SMARCA4: variants seen among roughly 807,000 people sequenced by gnomAD.
The protein encoded by SMARCA4 is SWI/SNF related BAF chromatin remodeling complex subunit ATPase 4.
A neutral mutation model predicts 193.9 loss-of-function variants in SMARCA4; 31 were observed. The ratio of observed to expected loss-of-function variants is 0.16; its 90% CI spans 0.12 to 0.22. SMARCA4 has a LOEUF of 0.22. Ranked by LOEUF, SMARCA4 falls within the 10% of genes least tolerant of loss-of-function variation. The pLI, the probability that SMARCA4 is intolerant of heterozygous loss-of-function variation, is 1.00. For synonymous variants in SMARCA4, 942 were observed against 933.1 expected, an observed-to-expected ratio of 1.01 and a Z score of -0.17; for missense variants, 1,148 against 2,296.0, an observed-to-expected ratio of 0.50 and a Z score of 10.22.
intron 13 of SMARCA4, among the ~76,000 whole-genome samples, chr19:11,005,241 T>C (rs1005311482): frequency 6.6e-6 from 1 of 152,206 alleles, no homozygotes; most frequent in African/African-American, 2.4e-5. Context: ...GTCTAGTCTG[T>C]TTAGTAATTT....
At chr19:11,035,570 C>G (rs528436619) in intron 29 of SMARCA4, among the ~76,000 whole-genome samples, 3 of 152,344 alleles carry the variant, frequency 2.0e-5, no homozygotes, top group East Asian at 3.9e-4. Flanking sequence ...AAGTCCCCCC[C>G]CATGAGCTGG....
At position 10,968,033 on chromosome 19, in the gene SMARCA4, T is replaced by C. The variant is rs111582515; in HGVS notation, c.-32+6859T>C. Among the ~76,000 whole-genome samples, 276 of 151,546 alleles carry C rather than the reference T, an allele frequency of 1.8e-3. 2 individuals carry two copies. The highest frequency in any genetic ancestry group is 6.8e-3 in the Middle Eastern group (2 of 294). The stretch of plus-strand genomic sequence containing the variant: ...CTGAGACTACAGGCGCCCACCACCA[T>C]GCCCTGCGGGGGTTTCACCATGTTA... On this transcript the variant is annotated intron_variant, in intron 1 of 34. Coordinates refer to ENST00000344626, the MANE Select transcript of SMARCA4 (RefSeq NM_003072.5).
At chr19:11,053,868 A>C (rs897461828) in intron 30 of SMARCA4, among the ~76,000 whole-genome samples, 1 of 152,170 alleles carries the variant, frequency 6.6e-6, no homozygotes, top group African/African-American at 2.4e-5. Context: ...CTAGGATGGC[A>C]CCACTGCACT....
intron 7 of SMARCA4, among the ~76,000 whole-genome samples, chr19:10,989,675 G>T (rs1254451077): frequency 6.6e-6 from 1 of 150,856 alleles, no homozygotes; most frequent in Non-Finnish European, 1.5e-5. Context: ...AAGCAGACTT[G>T]TATGGGCTTC....
At chr19:11,061,210 TA>T (rs2076872031) in intron 34 of SMARCA4, among the ~76,000 whole-genome samples, 1 of 86,316 alleles carries the variant, frequency 1.2e-5, no homozygotes, top group South Asian at 3.7e-4. Flanking sequence ...AAAAAATATA[TA>T]TATATATATA....
In SMARCA4 at chr19:11,058,996, T is replaced by C. The variant is rs1600637311; in HGVS notation, c.4635+107T>C. On this transcript the variant is annotated intron_variant, in intron 32 of 34. Transcript: ENST00000344626. This position sits in a 1 kb window ranked among gnomAD's most constrained non-coding sequence, Gnocchi z 5.8. ...TTGATGGGTTAAAAACAAGTCCCGC[T>C]AGCTGTGGTGGTTCGTGCCTGTAAT... is the stretch of plus-strand genomic sequence containing the variant. The C allele has an allele frequency of 9.1e-6, 8 of 881,222 alleles. No individual in the cohort carries two copies. The East Asian group carries it at 1.3e-4, about 15-fold the overall frequency. The allele number at this position is 881,222 out of a possible 1,614,324, so 54.6% of individuals were successfully genotyped here. A position where few individuals can be genotyped will look rare whatever the true frequency, so the allele number is the denominator to read the frequency against.
In SMARCA4 at chr19:11,050,283, C is replaced by T. The variant is rs549959139; in HGVS notation, c.4425-7972C>T. ...AAGCCTCACAAGAGCTCTGGCCCCA[C>T]CAGGCGGGCCCTCTGGGTTCCATTC... On this transcript the variant is annotated intron_variant, in intron 30 of 34. Coordinates refer to ENST00000344626, the MANE Select transcript of SMARCA4 (RefSeq NM_003072.5). 3.3e-5 allele frequency among the ~76,000 whole-genome samples: 5 copies of T among 152,364 alleles called. No homozygotes were observed. In the East Asian group the frequency reaches 9.7e-4, roughly 29 times the overall value.
intron 21 of SMARCA4, 83 bp downstream of exon 21, chr19:11,024,521 A>C (rs2090112048): frequency 1.2e-6 from 1 of 857,948 alleles, no homozygotes; most frequent in Non-Finnish European, 2.0e-6. Context: ...GCGTGCTCTG[A>C]CCATCGGGTC....
chr19:11,005,548 C>T (rs76479964), intron 13 of SMARCA4, among the ~76,000 whole-genome samples: 114 of 152,312 alleles, frequency 7.5e-4, no homozygotes, highest in African/African-American at 2.5e-3. Context: ...AGTCCTTTGG[C>T]GTCTCTTTGC....
At chr19:10,983,910 C>T (rs2085780214) in intron 1 of SMARCA4, among the ~76,000 whole-genome samples, 1 of 152,078 alleles carries the variant, frequency 6.6e-6, no homozygotes, top group South Asian at 2.1e-4. Flanking sequence ...GTGGCCCACC[C>T]CTTCCTGGGT....
At chr19:11,054,828 T>A (rs2076451529) in intron 30 of SMARCA4, among the ~76,000 whole-genome samples, 1 of 152,060 alleles carries the variant, frequency 6.6e-6, no homozygotes, top group Non-Finnish European at 1.5e-5. Flanking sequence ...GAGGAGGTGA[T>A]GTTTGCCCTG....
At chr19:10,990,959 G>A (rs2086504077) in intron 7 of SMARCA4, among the ~76,000 whole-genome samples, 191 bp from the exon 8 acceptor site, 1 of 152,250 alleles carries the variant, frequency 6.6e-6, no homozygotes, top group African/African-American at 2.4e-5. Flanking sequence ...GTCCAGAAGT[G>A]ATCACCTTCT....
intron 21 of SMARCA4, 105 bp from the exon 22 acceptor site, chr19:11,025,317 C>T (rs2090173368): frequency 2.6e-6 from 2 of 771,902 alleles, no homozygotes; most frequent in Admixed American, 3.7e-5. Context: ...CTCTTCCCCA[C>T]TAGAGCGTCC....
intron 11 of SMARCA4, 144 bp downstream of exon 11, chr19:10,996,688 A>G (rs1240772830): frequency 1.5e-5 from 12 of 787,500 alleles, no homozygotes; most frequent in Non-Finnish European, 2.4e-5. Flanking sequence ...TCTGACGCCC[A>G]TCCCACCCGA....
At chr19:11,005,214 T>C (rs1300405298) in intron 13 of SMARCA4, among the ~76,000 whole-genome samples, 1 of 152,230 alleles carries the variant, frequency 6.6e-6, no homozygotes, top group African/African-American at 2.4e-5. Flanking sequence ...TTTAAAACTC[T>C]GGGAGGTTGT....
At chr19:11,028,142 C>T (rs374771961) in intron 24 of SMARCA4, among the ~76,000 whole-genome samples, 192 bp downstream of exon 24, 11 of 152,290 alleles carry the variant, frequency 7.2e-5, no homozygotes, top group African/African-American at 2.2e-4. Context: ...GATTGGACGC[C>T]GGGTGTCCTG....
chr19:11,010,213 C>T (rs909940289), intron 14 of SMARCA4, among the ~76,000 whole-genome samples, 168 bp from the exon 15 acceptor site: 3 of 152,208 alleles, frequency 2.0e-5, no homozygotes, highest in Non-Finnish European at 4.4e-5. Flanking sequence ...TTAGTGCGGG[C>T]TGCCCTGCCT....
intron 30 of SMARCA4, among the ~76,000 whole-genome samples, chr19:11,055,334 TG>T (rs2076482448): frequency 6.6e-6 from 1 of 152,060 alleles, no homozygotes; most frequent in Non-Finnish European, 1.5e-5. Flanking sequence ...GGATTGCAGG[TG>T]CCTGTCACCA....
At chr19:10,968,314 G>A (rs1366155664) in intron 1 of SMARCA4, among the ~76,000 whole-genome samples, 1 of 152,100 alleles carries the variant, frequency 6.6e-6, no homozygotes, top group African/African-American at 2.4e-5. Context: ...GTCCCAGACT[G>A]GTTTCCAGAG....
Sources: allele counts gnomAD v4.1 joint callset (sites outside exome capture counted in the v4.1 genomes callset), GRCh38; gene constraint gnomAD v4.1.1; non-coding constraint Gnocchi (gnomAD v3.1); transcripts MANE v1.5; gene names NCBI Gene and HGNC (gene_info 2026-07-23, HGNC 2026-07-21).